Variants in CMYA5 observed in about 807,000 individuals in gnomAD.
The protein encoded by CMYA5 is cardiomyopathy associated 5.
A neutral mutation model predicts 318.9 loss-of-function variants in CMYA5; 246 were observed. That is an observed-to-expected ratio of 0.77 (90% CI 0.70 to 0.86). CMYA5 has a LOEUF of 0.86. Among genes scored for constraint, CMYA5 ranks in the 40% least tolerant of loss-of-function variants. The pLI is 0.00. For synonymous variants in CMYA5, 1,641 were observed against 1,729.5 expected (o/e 0.95, Z 1.27); for missense variants, 4,589 against 4,678.2 (o/e 0.98, Z 0.56).
chr5:79,727,081 A>G (rs1827764802), intron 1 of CMYA5, among the ~76,000 whole-genome samples: 1 of 151,856 alleles, frequency 6.6e-6, no homozygotes, highest in African/African-American at 2.4e-5. Flanking sequence ...ACACCCAGCT[A>G]ATTTTTGTAT....
chr5:79,746,738 T>C (rs1174345383), intron 4 of CMYA5, among the ~76,000 whole-genome samples: 3 of 152,206 alleles, frequency 2.0e-5, no homozygotes, highest in East Asian at 3.9e-4. Flanking sequence ...TTCTGGAAGC[T>C]AAGCCATTGG....
intron 1 of CMYA5, among the ~76,000 whole-genome samples, chr5:79,725,475 G>A (rs941941062): frequency 6.6e-6 from 1 of 152,174 alleles, no homozygotes; most frequent in Non-Finnish European, 1.5e-5. Context: ...GTGGGGAGGA[G>A]GGAGGGGTAA....
intron 6 of CMYA5, among the ~76,000 whole-genome samples, chr5:79,755,427 C>G (rs1263823696): frequency 6.6e-6 from 1 of 152,122 alleles, no homozygotes; most frequent in African/African-American, 2.4e-5. Context: ...GCTGGGATTA[C>G]AGGCGTGCAT....
intron 5 of CMYA5, among the ~76,000 whole-genome samples, chr5:79,752,056 C>T (rs1288625352): frequency 6.6e-6 from 1 of 152,170 alleles, no homozygotes; most frequent in African/African-American, 2.4e-5. Context: ...AGTTGGCATT[C>T]CAGCTAATGA....
chr5:79,774,811 A>G (rs551889808), intron 9 of CMYA5, among the ~76,000 whole-genome samples: 1 of 152,228 alleles, frequency 6.6e-6, no homozygotes, highest in Non-Finnish European at 1.5e-5. Context: ...GGGGACACCC[A>G]CTGCTCTGTC....
At chr5:79,712,799 A>G (rs543240156) in intron 1 of CMYA5, among the ~76,000 whole-genome samples, 2 of 152,232 alleles carry the variant, frequency 1.3e-5, no homozygotes, top group South Asian at 4.1e-4. Context: ...TAATTGTATT[A>G]GGAAAAAAAA....
intron 6 of CMYA5, 34 bp downstream of exon 6, chr5:79,752,828 A>T: frequency 6.8e-7 from 1 of 1,468,270 alleles, no homozygotes; most frequent in Non-Finnish European, 9.5e-7. Flanking sequence ...ACCTAGATGA[A>T]ATATGGCAGT....
intron 9 of CMYA5, among the ~76,000 whole-genome samples, chr5:79,771,252 C>G (rs573818684): frequency 6.6e-6 from 1 of 152,200 alleles, no homozygotes; most frequent in East Asian, 1.9e-4. Context: ...TGTGAGATTT[C>G]AAAGTCTAAG....
chr5:79,790,929 C>A, intron 10 of CMYA5, 41 bp from the exon 11 acceptor site: 2 of 1,391,502 alleles, frequency 1.4e-6, no homozygotes, highest in East Asian at 2.3e-5. Flanking sequence ...AGCACTGGTC[C>A]TTGTGGCAAT....
Position 79,731,702 on chromosome 5 carries a change from A to G in CMYA5, c.2937A>G (p.Thr979=). ...AGTGCGATTCTCCAATATGTTTAAC[A>G]TCACCATCTGAGCACACTATTTTGT... is the stretch of plus-strand genomic sequence containing the variant. ...EFECDSPICL[T]SPSEHTILSD... Residue 979 remains threonine (T), a synonymous_variant, in exon 2 of 13, where the codon ACA becomes ACG. Coordinates refer to ENST00000446378, the MANE Select transcript of CMYA5 (RefSeq NM_153610.5). 1 of 1,613,978 alleles carries G rather than the reference A, an allele frequency of 6.2e-7. No individual in the cohort carries two copies. The highest frequency in any genetic ancestry group is 1.1e-5 in the South Asian group (1 of 91,084).
Position 79,729,774 on chromosome 5 carries a change from G to A in CMYA5, c.1009G>A (p.Ala337Thr). Residue 337 changes from alanine to threonine, a missense_variant, in exon 2 of 13, where the codon GCA becomes ACA. By Grantham distance (58) the Ala-to-Thr change is moderately conservative. Transcript: ENST00000446378. ...TGATTCTCCCCTAAATGCCACATCT[G>A]CATTGGAGCACACAGTTCCCTCTTA... The part of the protein sequence containing the change: ...YADSPLNATS[A>T]LEHTVPSYSS... 1.2e-6 allele frequency: 2 copies of A among 1,613,954 alleles called. No individual in the cohort carries two copies. The highest frequency in any genetic ancestry group is 8.5e-7 in the Non-Finnish European group (1 of 1,179,890).
chr5:79,772,910 C>CT (rs1218502592), intron 9 of CMYA5, among the ~76,000 whole-genome samples: 1 of 152,202 alleles, frequency 6.6e-6, no homozygotes, highest in Non-Finnish European at 1.5e-5. Context: ...AGTTCAATCT[C>CT]TAAGATGTCA....
chr5:79,773,139 A>G (rs1162403051), intron 9 of CMYA5, among the ~76,000 whole-genome samples: 2 of 152,222 alleles, frequency 1.3e-5, no homozygotes, highest in Non-Finnish European at 2.9e-5. Flanking sequence ...TGTTGGTTCC[A>G]TGAAGGGATC....
chr5:79,775,230 A>G (rs1256289912), intron 9 of CMYA5, among the ~76,000 whole-genome samples: 3 of 152,144 alleles, frequency 2.0e-5, no homozygotes, highest in African/African-American at 7.2e-5. Context: ...TCCTAAATGA[A>G]ATCTTTCTTC....
intron 1 of CMYA5, among the ~76,000 whole-genome samples, chr5:79,724,872 A>G (rs1827715510): frequency 6.6e-6 from 1 of 152,100 alleles, no homozygotes; most frequent in Non-Finnish European, 1.5e-5. Context: ...CAGACTGTTT[A>G]TTCATGCTAC....
At chr5:79,697,326 T>C (rs1373463834) in intron 1 of CMYA5, among the ~76,000 whole-genome samples, 1 of 152,206 alleles carries the variant, frequency 6.6e-6, no homozygotes, top group Non-Finnish European at 1.5e-5. Context: ...TGGGTCCCTC[T>C]TGTTAGTCCT....
At chr5:79,753,844 AG>A (rs1828478756) in intron 6 of CMYA5, among the ~76,000 whole-genome samples, 1 of 152,212 alleles carries the variant, frequency 6.6e-6, no homozygotes, top group African/African-American at 2.4e-5. Context: ...AATGTCTCAA[AG>A]TGTTTTCTTG....
rs781101969 is a variant in CMYA5, at chr5:79,731,400, T to C, written c.2635T>C (p.Tyr879His). The C allele has an allele frequency of 5.0e-5, 81 of 1,613,702 alleles. No homozygotes were observed. The East Asian group carries it at 1.1e-3, about 23-fold the overall frequency. ...APPLSATPSEYVVLSDEEAVE... is the reference protein window; with the variant it reads ...APPLSATPSEHVVLSDEEAVE... The stretch of plus-strand genomic sequence containing the variant: ...ACCACTTTCAGCCACCCCATCTGAA[T>C]ATGTTGTTCTATCAGACGAAGAGGC... The change falls in exon 2 of 13, where the codon TAT (tyrosine) becomes CAT (histidine). Residue 879 changes from tyrosine (Y) to histidine (H), a missense_variant. This residue lies in a region of CMYA5 where 2,132 missense variants were observed against 2,131.3 expected (regional missense o/e 1.00). Transcript: ENST00000446378.
chr5:79,776,642 G>A (rs937609919), intron 9 of CMYA5, among the ~76,000 whole-genome samples: 1 of 152,130 alleles, frequency 6.6e-6, no homozygotes, highest in African/African-American at 2.4e-5. Flanking sequence ...GCCCAGGCAG[G>A]CTTGGGGAAC....
Sources: allele counts gnomAD v4.1 joint callset (sites outside exome capture counted in the v4.1 genomes callset), GRCh38; gene constraint gnomAD v4.1.1; regional missense constraint gnomAD v4.1.1; transcripts MANE v1.5; gene names NCBI Gene and HGNC (gene_info 2026-07-23, HGNC 2026-07-21).